Variants in C8orf76 observed in about 807,000 individuals in gnomAD.
The protein encoded by C8orf76 is chromosome 8 open reading frame 76.
Under a neutral mutation model 38.1 loss-of-function variants are expected in C8orf76, and 46 were observed. The observed-to-expected ratio is 1.21, with a 90% CI of 0.95 to 1.54. The LOEUF is 1.54. C8orf76 is among the 40% of genes most tolerant of loss of function. The pLI is 0.00. For synonymous variants in C8orf76, 166 were observed against 167.5 expected (o/e 0.99, Z 0.07); for missense variants, 461 against 441.6 (o/e 1.04, Z -0.39).
At chr8:123,226,719 C>T in intron 4 of C8orf76, 87 bp from the exon 5 acceptor site, 1 of 1,492,284 alleles carries the variant, frequency 6.7e-7, no homozygotes. Context: ...TCAGAAAGCC[C>T]AGGTATTGAG....
At chr8:123,226,656 G>A (rs1207417109) in intron 4 of C8orf76, 24 bp from the exon 5 acceptor site, 1 of 1,577,252 alleles carries the variant, frequency 6.3e-7, no homozygotes, top group Admixed American at 2.1e-5. Flanking sequence ...AAGTCTCAAT[G>A]CGTGGCGAAA....
intron 3 of C8orf76, chr8:123,237,026 TC>T: frequency 1.4e-6 from 2 of 1,458,424 alleles, no homozygotes; most frequent in Non-Finnish European, 1.9e-6. Flanking sequence ...CCAGAAGGAG[TC>T]CACCCTGCAC....
At position 123,220,006 on chromosome 8, in the gene C8orf76, T is replaced by C; in HGVS notation, c.*97A>G. On this transcript the variant is annotated 3_prime_UTR_variant, in exon 6 of 6. Coordinates refer to ENST00000276704, the MANE Select transcript of C8orf76 (RefSeq NM_032847.3). ...AGCCAGTTTTATAAAACATAAATAA[T>C]CATTTATACTCCATGATTAGCAATG... 1.5e-6 allele frequency: 1 copy of C among 646,268 alleles called. No homozygotes were observed. Among genetic ancestry groups the C allele is most frequent in the East Asian group, 2.9e-5 (1 of 34,934 alleles). 40.0% of individuals were successfully genotyped at this position (646,268 alleles called of 1,614,324 possible).
At chr8:123,240,381 C>T (rs1181863862) in intron 1 of C8orf76, among the ~76,000 whole-genome samples, 5 of 152,208 alleles carry the variant, frequency 3.3e-5, no homozygotes, top group Non-Finnish European at 1.5e-5. Context: ...TTATCGAGTG[C>T]CTGGCATCTT....
intron 5 of C8orf76, among the ~76,000 whole-genome samples, chr8:123,222,163 A>G (rs2131129755): frequency 6.6e-6 from 1 of 151,456 alleles, no homozygotes; most frequent in African/African-American, 2.4e-5. Context: ...TAATTTTTGT[A>G]TTTTTAGTAG....
intron 5 of C8orf76, among the ~76,000 whole-genome samples, chr8:123,220,933 T>C (rs1310608641): frequency 1.3e-5 from 2 of 152,226 alleles, no homozygotes; most frequent in African/African-American, 4.8e-5. Flanking sequence ...CCTTGGGTAA[T>C]GACAATGAAC....
chr8:123,227,256 CT>C (rs532233177), intron 4 of C8orf76, among the ~76,000 whole-genome samples: 4,726 of 139,536 alleles, frequency 0.034, 121 homozygotes, highest in African/African-American at 0.067. Flanking sequence ...CATTTGGCTC[CT>C]TTTTTTTTTT....
At chr8:123,228,480 A>G (rs955931339) in intron 4 of C8orf76, among the ~76,000 whole-genome samples, 2 of 152,114 alleles carry the variant, frequency 1.3e-5, no homozygotes, top group African/African-American at 4.8e-5. Context: ...TTAGCCTGGC[A>G]TGGTGGTGCA....
Position 123,220,263 on chromosome 8 carries a change from T to C in C8orf76, c.983A>G (p.Asp328Gly), listed in dbSNP as rs371859023. The C allele has an allele frequency of 2.6e-5, 41 of 1,605,642 alleles. No homozygotes were observed. The highest frequency in any genetic ancestry group is 3.1e-5 in the Non-Finnish European group (36 of 1,177,562). Residue 328 changes from aspartate to glycine, a missense_variant, in exon 6 of 6, where the codon GAT becomes GGT. Physicochemically the swap from Asp to Gly is moderately conservative, Grantham distance 94. Transcript: ENST00000276704. ...MGEDIPEKIKDEVHPEVKCVG... is the reference protein window; with the variant it reads ...MGEDIPEKIKGEVHPEVKCVG... ...ACACTTCACCTCTGGGTGAACTTCA[T>C]CTTTTATTTTTTCTGGGATATCTTC...
chr8:123,220,165 T>C lies in C8orf76; in HGVS notation c.1081A>G (p.Ile361Val). The change falls in exon 6 of 6, where the codon ATC becomes GTC. Residue 361 changes from isoleucine (I) to valine (V), a missense_variant. By Grantham distance (29) the Ile-to-Val change is conservative. Coordinates refer to ENST00000276704, the MANE Select transcript of C8orf76 (RefSeq NM_032847.3). ...EEFEDKWFRKIKDHFCPFENQ... is the reference protein window; with the variant it reads ...EEFEDKWFRKVKDHFCPFENQ... Reference sequence around the variant, plus strand: ...TCAAATGGACAGAAATGGTCTTTGATCTTTCTGAACCACTTGTCTTCAAAT... The same window carrying C: ...TCAAATGGACAGAAATGGTCTTTGACCTTTCTGAACCACTTGTCTTCAAAT... The C allele has an allele frequency of 6.2e-7, 1 of 1,614,050 alleles. No homozygotes were observed.
At position 123,226,635 on chromosome 8, in the gene C8orf76, G is replaced by A. The variant is rs911856011; in HGVS notation, c.816-3C>T. ...GTTGGGTAAACTGAAGCAGAAGCCT[G>A]AAAAACCGAAAAGTCTCAATGCGTG... On this transcript the variant is annotated splice_region_variant and splice_polypyrimidine_tract_variant and intron_variant, in intron 4 of 5. Transcript: ENST00000276704. 4 of 1,588,412 alleles carry A rather than the reference G, an allele frequency of 2.5e-6. No homozygotes were observed. Among genetic ancestry groups the A allele is most frequent in the Non-Finnish European group, 3.4e-6 (4 of 1,173,094 alleles).
chr8:123,221,540 A>G (rs1258093488), intron 5 of C8orf76, among the ~76,000 whole-genome samples: 1 of 152,086 alleles, frequency 6.6e-6, no homozygotes, highest in Non-Finnish European at 1.5e-5. Flanking sequence ...GGTTCAAGCA[A>G]TTCTCCCACC....
chr8:123,220,388 G>T, intron 5 of C8orf76, 91 bp from the exon 6 acceptor site: 1 of 975,672 alleles, frequency 1.0e-6, no homozygotes, highest in Non-Finnish European at 1.5e-6. Context: ...TCATTCAAAG[G>T]CAGAAAATAC....
At chr8:123,227,338 G>A (rs1477916298) in intron 4 of C8orf76, among the ~76,000 whole-genome samples, 4 of 150,738 alleles carry the variant, frequency 2.7e-5, no homozygotes, top group Non-Finnish European at 5.9e-5. Flanking sequence ...ATGCCCAGAA[G>A]CACTGGCTCT....
At chr8:123,226,419 C>A (rs1825045694) in intron 5 of C8orf76, 81 bp downstream of exon 5, 8 of 1,570,698 alleles carry the variant, frequency 5.1e-6, no homozygotes, top group Non-Finnish European at 6.9e-6. Flanking sequence ...AAATTTGGCC[C>A]TGCTTTATAA....
intron 5 of C8orf76, among the ~76,000 whole-genome samples, chr8:123,225,954 C>T (rs925158159): frequency 4.0e-5 from 6 of 151,694 alleles, no homozygotes; most frequent in Non-Finnish European, 8.8e-5. Context: ...TGAAGGTTTA[C>T]ATGTTAGTTT....
chr8:123,240,818 G>A (rs543186141), intron 1 of C8orf76, among the ~76,000 whole-genome samples: 1 of 152,334 alleles, frequency 6.6e-6, no homozygotes, highest in Non-Finnish European at 1.5e-5. Context: ...CCATCAGCGC[G>A]GGGTTGGTAC....
intron 4 of C8orf76, among the ~76,000 whole-genome samples, chr8:123,230,246 A>G (rs1825202918): frequency 6.6e-6 from 1 of 152,154 alleles, no homozygotes; most frequent in African/African-American, 2.4e-5. Context: ...AGTACTTGGT[A>G]TCCCTAGGCA....
intron 1 of C8orf76, 102 bp downstream of exon 1, chr8:123,241,128 G>A (rs1031254391): frequency 5.7e-6 from 7 of 1,232,692 alleles, no homozygotes; most frequent in Non-Finnish European, 7.5e-6. Context: ...AGCCTGCCAG[G>A]GTTTGCGTTC....
Sources: gnomAD v4.1 joint callset for allele counts (sites outside exome capture counted in the v4.1 genomes callset) on GRCh38, gnomAD v4.1.1 for gene constraint, MANE v1.5 for transcripts, NCBI Gene and HGNC (gene_info 2026-07-23, HGNC 2026-07-21) for gene names.